ANKRD27: variants seen among roughly 807,000 people sequenced by gnomAD.
ANKRD27 encodes ankyrin repeat domain-containing protein 27.
Under a neutral mutation model 129.7 loss-of-function variants are expected in ANKRD27, and 112 were observed. The ratio of observed to expected loss-of-function variants is 0.86; its 90% confidence interval spans 0.74 to 1.01. The LOEUF is 1.01. ANKRD27 is among the 50% of genes least tolerant of loss of function. ANKRD27 has a pLI of 0.00. For synonymous variants in ANKRD27, 516 were observed against 511.2 expected, an observed-to-expected ratio of 1.01 and a Z score of -0.13; for missense variants, 1,258 against 1,300.5, an observed-to-expected ratio of 0.97 and a Z score of 0.50.
chr19:32,663,838 C>T (rs1276004557), intron 1 of ANKRD27, among the ~76,000 whole-genome samples: 3 of 151,922 alleles, frequency 2.0e-5, no homozygotes, highest in South Asian at 2.1e-4. Context: ...GGGCGGATCA[C>T]GAGGTCAGGA....
In ANKRD27 at chr19:32,598,061, T is replaced by G; in HGVS notation, c.*84A>C. ...TCAAGCCAGTCTCATGGAAGCACAT[T>G]TAGTTCTCAGATGTGTTCACGCTCA... On this transcript the variant is annotated 3_prime_UTR_variant, in exon 29 of 29. Transcript: ENST00000306065. The G allele has an allele frequency of 7.9e-7, 1 of 1,267,808 alleles. No homozygotes were observed. The allele number at this position is 1,267,808 out of a possible 1,614,324, so 78.5% of individuals were successfully genotyped here. A position where few individuals can be genotyped will look rare whatever the true frequency, so the allele number is the denominator to read the frequency against.
At chr19:32,613,700 A>T (rs1349144205) in intron 22 of ANKRD27, among the ~76,000 whole-genome samples, 1 of 143,626 alleles carries the variant, frequency 7.0e-6, no homozygotes, top group Non-Finnish European at 1.5e-5. Context: ...GATTACATTT[A>T]TGTAACTTTT....
At chr19:32,670,378 T>A (rs1221802473) in intron 1 of ANKRD27, among the ~76,000 whole-genome samples, 1 of 152,226 alleles carries the variant, frequency 6.6e-6, no homozygotes, top group African/African-American at 2.4e-5. Context: ...GACACTGTTC[T>A]CAACCTTTCT....
chr19:32,639,154 T>C, intron 12 of ANKRD27: 3 of 601,586 alleles, frequency 5.0e-6, no homozygotes, highest in Middle Eastern at 4.5e-4. Flanking sequence ...ATCCCAATGA[T>C]AACCCACCAA....
intron 12 of ANKRD27, 66 bp downstream of exon 12, chr19:32,639,290 C>A: frequency 1.2e-6 from 2 of 1,604,650 alleles, no homozygotes; most frequent in South Asian, 2.2e-5. Flanking sequence ...ACATACCAAC[C>A]CCAGCACCCT....
At chr19:32,618,860 C>T (rs34130925) in intron 20 of ANKRD27, among the ~76,000 whole-genome samples, 67,270 of 151,202 alleles carry the variant, frequency 0.44, 16,633 homozygotes, top group Non-Finnish European at 0.57. Flanking sequence ...GCAGTGAGCC[C>T]GGATTGCACC....
intron 21 of ANKRD27, among the ~76,000 whole-genome samples, chr19:32,617,080 T>C (rs1159352904): frequency 6.6e-6 from 1 of 152,210 alleles, no homozygotes; most frequent in Non-Finnish European, 1.5e-5. Flanking sequence ...TGCCTGTATG[T>C]TGATCTGCCT....
chr19:32,599,816 T>C lies in ANKRD27; in HGVS notation c.2847-40A>G, dbSNP rs780641640. The C allele has an allele frequency of 3.1e-6, 5 of 1,604,112 alleles. No homozygotes were observed. In the Admixed American group the frequency reaches 6.8e-5, roughly 22 times the overall value. On this transcript the variant is annotated intron_variant, in intron 27 of 28. Coordinates refer to ENST00000306065, the MANE Select transcript of ANKRD27 (RefSeq NM_032139.3). Reference sequence around the variant, plus strand: ...AAACGAAAATAAATATTTGGGACAGTGGCATGAAACACTCTGGTTGGCCAC... The same window carrying C: ...AAACGAAAATAAATATTTGGGACAGCGGCATGAAACACTCTGGTTGGCCAC...
intron 26 of ANKRD27, among the ~76,000 whole-genome samples, chr19:32,601,287 G>C (rs1343316178): frequency 6.7e-6 from 1 of 149,456 alleles, no homozygotes; most frequent in Non-Finnish European, 1.5e-5. Flanking sequence ...GACAGAGTGA[G>C]ACTCTGTCTC....
intron 12 of ANKRD27, among the ~76,000 whole-genome samples, chr19:32,635,428 A>G (rs765012803): frequency 5.3e-5 from 8 of 152,234 alleles, no homozygotes; most frequent in Non-Finnish European, 1.0e-4. Flanking sequence ...GCACACACGC[A>G]TAGGTAGAGA....
intron 13 of ANKRD27, among the ~76,000 whole-genome samples, chr19:32,630,561 A>C (rs1268615237): frequency 6.6e-6 from 1 of 152,216 alleles, no homozygotes; most frequent in African/African-American, 2.4e-5. Context: ...TAGTATTGCG[A>C]GGAACTGAGA....
chr19:32,619,126 A>T, intron 20 of ANKRD27, 134 bp downstream of exon 20: 1 of 1,237,420 alleles, frequency 8.1e-7, no homozygotes, highest in Non-Finnish European at 1.1e-6. Context: ...CGGCCACCAC[A>T]GAGCAGCAGC....
intron 3 of ANKRD27, among the ~76,000 whole-genome samples, chr19:32,648,902 G>C (rs1967356025): frequency 6.6e-6 from 1 of 151,342 alleles, no homozygotes; most frequent in Admixed American, 6.6e-5. Context: ...GCACATTTAA[G>C]AGTTTTTTCA....
rs199831783 is a variant in ANKRD27, at chr19:32,628,812, A to G, written c.1247T>C (p.Leu416Pro). The G allele has an allele frequency of 6.2e-7, 1 of 1,614,208 alleles. No individual in the cohort carries two copies. The highest frequency in any genetic ancestry group is 2.2e-5 in the East Asian group (1 of 44,882). ...TTTATCATGGTCCTCTTGGCTCAGA[A>G]GTCTCTCCACTTCTTTCTGGTTACC... Reference protein sequence around the residue: ...ASGNQKEVERLLSQEDHDKDT... With the variant: ...ASGNQKEVERPLSQEDHDKDT... The change falls in exon 14 of 29, where the codon CTT (leucine) becomes CCT (proline). Residue 416 changes from leucine (L) to proline (P), a missense_variant. Physicochemically the swap from Leu to Pro is moderately conservative, Grantham distance 98 (BLOSUM62 -3). Coordinates refer to ENST00000306065, the MANE Select transcript of ANKRD27 (RefSeq NM_032139.3).
rs964752750 is a variant in ANKRD27 at position 32,597,950 on chromosome 19, G to A, written c.*195C>T. ...TTCAATTGTATTCATTAGCTTTGAA[G>A]AGGAGAGAGATGGTGGTGGTTAACT... On this transcript the variant is annotated 3_prime_UTR_variant, in exon 29 of 29. Coordinates refer to ENST00000306065, the MANE Select transcript of ANKRD27 (RefSeq NM_032139.3). 5 of 597,168 alleles carry A rather than the reference G, an allele frequency of 8.4e-6. No individual in the cohort carries two copies. The highest frequency in any genetic ancestry group is 8.2e-4 in the Middle Eastern group (2 of 2,444). The allele number at this position is 597,168 out of a possible 1,614,324, so 37.0% of individuals were successfully genotyped here.
intron 2 of ANKRD27, among the ~76,000 whole-genome samples, chr19:32,656,789 CAAA>C (rs34410291): frequency 4.4e-5 from 6 of 137,154 alleles, no homozygotes; most frequent in Non-Finnish European, 3.1e-5. Flanking sequence ...GACCTTATCT[CAAA>C]AAAAAAAAAA....
intron 1 of ANKRD27, among the ~76,000 whole-genome samples, chr19:32,673,677 C>T (rs71351186): frequency 0.025 from 3,733 of 152,298 alleles, 75 homozygotes; most frequent in East Asian, 0.11. Context: ...GAGAACCCCC[C>T]TTCCACACAA....
intron 28 of ANKRD27, among the ~76,000 whole-genome samples, chr19:32,599,390 GT>G (rs1248952324): frequency 3.3e-5 from 5 of 152,138 alleles, no homozygotes; most frequent in Non-Finnish European, 7.4e-5. Flanking sequence ...ACAAACTGTC[GT>G]TTTCTTTCTT....
intron 18 of ANKRD27, among the ~76,000 whole-genome samples, chr19:32,619,856 T>C (rs1007336719): frequency 6.6e-6 from 1 of 152,138 alleles, no homozygotes; most frequent in African/African-American, 2.4e-5. Flanking sequence ...CAGACCCGCA[T>C]GGAGCCTGAA....
Sources: allele counts gnomAD v4.1 joint callset (sites outside exome capture counted in the v4.1 genomes callset), GRCh38; gene constraint gnomAD v4.1.1; transcripts MANE v1.5; gene names NCBI Gene and HGNC (gene_info 2026-07-23, HGNC 2026-07-21).